TIMM23B: variants seen among roughly 807,000 people sequenced by gnomAD.
The protein encoded by TIMM23B is translocase of inner mitochondrial membrane 23 homolog B.
In TIMM23B, 27 loss-of-function variants were observed where a neutral mutation model predicts 27.3. The ratio of observed to expected loss-of-function variants is 0.99; its 90% CI spans 0.73 to 1.36. The LOEUF is 1.36. Among genes scored for constraint, TIMM23B ranks in the 40% most tolerant of loss-of-function variants. TIMM23B has a pLI of 0.00. For missense variants in TIMM23B, 205 were observed against 244.2 expected (o/e 0.84, Z 1.07); for synonymous variants, 73 against 92.4 (o/e 0.79, Z 1.21).
At chr10:49,970,879 G>T (rs1226992632) in intron 6 of TIMM23B, among the ~76,000 whole-genome samples, 12 of 151,642 alleles carry the variant, frequency 7.9e-5, no homozygotes, top group African/African-American at 2.7e-4. Flanking sequence ...CGGTTTTGTT[G>T]AATAGAAAAG....
chr10:49,964,614 GAAATGAAATGAAAAAATGAAAT>G (rs1302809309), intron 6 of TIMM23B, among the ~76,000 whole-genome samples: 1 of 150,214 alleles, frequency 6.7e-6, no homozygotes, highest in Non-Finnish European at 1.5e-5. Context: ...CGGGTGAAAT[GAAATGAAATGAAAAAATGAAAT>G]AAATGAAATG....
chr10:49,950,444 T>C (rs1382325190), intron 2 of TIMM23B, among the ~76,000 whole-genome samples: 1 of 151,954 alleles, frequency 6.6e-6, no homozygotes, highest in East Asian at 1.9e-4. Context: ...TGTTATATTT[T>C]TCAGTTGATA....
chr10:49,967,231 T>A (rs1264520690), intron 6 of TIMM23B, among the ~76,000 whole-genome samples: 1 of 152,056 alleles, frequency 6.6e-6, no homozygotes, highest in Non-Finnish European at 1.5e-5. Context: ...CCCCTCTTTT[T>A]TTAAATTTCT....
At chr10:49,966,815 ACT>A (rs1554855526) in intron 6 of TIMM23B, among the ~76,000 whole-genome samples, 2 of 152,174 alleles carry the variant, frequency 1.3e-5, no homozygotes, top group African/African-American at 2.4e-5. Context: ...GCTGAGCGAA[ACT>A]CTGTCTCAAA....
At chr10:49,967,385 T>C (rs2805290) in intron 6 of TIMM23B, among the ~76,000 whole-genome samples, 3 of 152,330 alleles carry the variant, frequency 2.0e-5, no homozygotes, top group Non-Finnish European at 4.4e-5. Flanking sequence ...AAGTTATATT[T>C]GTATTCCCAC....
At chr10:49,948,276 A>C (rs1421789227) in intron 2 of TIMM23B, among the ~76,000 whole-genome samples, 1 of 152,188 alleles carries the variant, frequency 6.6e-6, no homozygotes, top group Non-Finnish European at 1.5e-5. Flanking sequence ...TGGGAATGTA[A>C]AATGATACAG....
At chr10:49,945,707 A>G (rs2133048688) in intron 2 of TIMM23B, among the ~76,000 whole-genome samples, 1 of 152,356 alleles carries the variant, frequency 6.6e-6, no homozygotes, top group East Asian at 1.9e-4. Context: ...AATCCAAGAT[A>G]TATTAGCAAA....
intron 2 of TIMM23B, among the ~76,000 whole-genome samples, chr10:49,949,554 A>G (rs1321244509): frequency 6.6e-6 from 1 of 152,060 alleles, no homozygotes; most frequent in East Asian, 1.9e-4. Flanking sequence ...CTGCATTGCT[A>G]GGTGGGGCTT....
At chr10:49,968,864 A>T (rs1774074336) in intron 6 of TIMM23B, among the ~76,000 whole-genome samples, 1 of 152,082 alleles carries the variant, frequency 6.6e-6, no homozygotes, top group Admixed American at 6.6e-5. Flanking sequence ...AAAATTTGGA[A>T]ATATTTGTCA....
intron 6 of TIMM23B, among the ~76,000 whole-genome samples, chr10:49,961,437 C>T (rs1839901546): frequency 2.0e-5 from 3 of 150,576 alleles, no homozygotes; most frequent in East Asian, 1.9e-4. Flanking sequence ...CACTAGAAGA[C>T]GGTTTGCTGT....
intron 4 of TIMM23B, chr10:49,954,250 TG>T: frequency 2.6e-6 from 1 of 383,058 alleles, no homozygotes. Flanking sequence ...GAACCATTCC[TG>T]GGATGGTGTT....
chr10:49,958,886 C>T (rs1325203036), intron 6 of TIMM23B, among the ~76,000 whole-genome samples: 2 of 152,180 alleles, frequency 1.3e-5, no homozygotes, highest in African/African-American at 4.8e-5. Context: ...GCTTATTTTA[C>T]GTAGCATAAT....
At chr10:49,963,147 C>T (rs1429934754) in intron 6 of TIMM23B, among the ~76,000 whole-genome samples, 4 of 151,982 alleles carry the variant, frequency 2.6e-5, no homozygotes, top group African/African-American at 7.3e-5. Context: ...GAGCAGAGAT[C>T]GCGCCACTGA....
At chr10:49,944,973 C>T (rs1238403628) in intron 1 of TIMM23B, 59 bp from the exon 2 acceptor site, 53 of 1,572,926 alleles carry the variant, frequency 3.4e-5, no homozygotes, top group Non-Finnish European at 4.5e-5. Context: ...GCTGGATTAA[C>T]TCTAACTGGA....
At chr10:49,972,234 G>A (rs1840482209) in intron 6 of TIMM23B, among the ~76,000 whole-genome samples, 1 of 152,174 alleles carries the variant, frequency 6.6e-6, no homozygotes, top group Non-Finnish European at 1.5e-5. Context: ...TTGCTGTCAG[G>A]GGTTCACAGT....
chr10:49,959,959 G>GGCT (rs1839843559), intron 6 of TIMM23B, among the ~76,000 whole-genome samples: 1 of 151,342 alleles, frequency 6.6e-6, no homozygotes, highest in Admixed American at 6.6e-5. Context: ...ATATTGGTCA[G>GGCT]GCTGGTCTCA....
intron 6 of TIMM23B, among the ~76,000 whole-genome samples, chr10:49,961,543 GC>G (rs1839908620): frequency 6.6e-6 from 1 of 151,842 alleles, no homozygotes; most frequent in African/African-American, 2.4e-5. Flanking sequence ...CCTCACCACT[GC>G]CCCCATCTGT....
rs1287879696 is a variant in TIMM23B at position 49,942,387 on chromosome 10, T to C, written c.106+87T>C. ...CGCGTCCCATGTTTTATGTTGTTGGTTTTTTTTTCCTTGCTGGCGTTTACA... is the reference window on the plus strand; with the variant it reads ...CGCGTCCCATGTTTTATGTTGTTGGCTTTTTTTTCCTTGCTGGCGTTTACA... On this transcript the variant is annotated intron_variant, in intron 1 of 6. Transcript: ENST00000651259. 10 of 1,541,606 alleles carry C rather than the reference T, an allele frequency of 6.5e-6. No individual in the cohort carries two copies. The South Asian group carries it at 1.1e-4, about 17-fold the overall frequency.
chr10:49,971,004 G>A (rs1840419063), intron 6 of TIMM23B, among the ~76,000 whole-genome samples: 1 of 152,214 alleles, frequency 6.6e-6, no homozygotes, highest in Admixed American at 6.5e-5. Context: ...TCTGCCTTGG[G>A]ATGCTGTTGA....
Sources: allele counts gnomAD v4.1 joint callset (sites outside exome capture counted in the v4.1 genomes callset), GRCh38; gene constraint gnomAD v4.1.1; transcripts MANE v1.5; gene names NCBI Gene and HGNC (gene_info 2026-07-23, HGNC 2026-07-21).